The following FEM1C variants were observed in gnomAD, a reference collection of about 807,000 sequenced individuals.
FEM1C encodes protein fem-1 homolog C.
A neutral mutation model predicts 37.6 loss-of-function variants in FEM1C; 15 were observed. The ratio of observed to expected loss-of-function variants is 0.40; its 90% CI spans 0.27 to 0.61. The LOEUF (loss-of-function observed/expected upper bound fraction) is 0.61, where lower values mean the gene tolerates loss of function less well. FEM1C is among the 20% of genes least tolerant of loss of function. The probability of loss-of-function intolerance (pLI) is 0.42; values close to 1 mark genes in which losing one functional copy is unlikely to be tolerated. For synonymous variants in FEM1C, 287 were observed against 272.8 expected (o/e 1.05, Z -0.51); for missense variants, 532 against 749.7 (o/e 0.71, Z 3.39).
intron 2 of FEM1C, 29 bp from the exon 3 acceptor site, chr5:115,525,646 A>G (rs1753875546): frequency 1.9e-5 from 30 of 1,563,638 alleles, no homozygotes; most frequent in Non-Finnish European, 2.5e-5. Context: ...AAAAGAAATA[A>G]CATACATTGA....
chr5:115,524,440 A>AG lies in FEM1C; in HGVS notation c.1721dup (p.Lys575Ter). On this transcript the variant is annotated frameshift_variant, in exon 3 of 3. Transcript: ENST00000274457. LOFTEE classifies it high-confidence loss of function. ...GATTTATAGGCTGGATTAAATTTTTAGCTATTTCCTTCTCATCCAGCAAGT... is the reference window on the plus strand; with the variant it reads ...GATTTATAGGCTGGATTAAATTTTTAGGCTATTTCCTTCTCATCCAGCAAGT... 1.2e-6 allele frequency: 2 copies of AG among 1,613,348 alleles called. No homozygotes were observed. Among genetic ancestry groups the AG allele is most frequent in the Non-Finnish European group, 1.7e-6 (2 of 1,179,644 alleles).
In FEM1C at chr5:115,525,243, C is replaced by A; in HGVS notation, c.919G>T (p.Glu307Ter). 6.2e-7 allele frequency: 1 copy of A among 1,613,596 alleles called. No individual in the cohort carries two copies. Among genetic ancestry groups the A allele is most frequent in the Non-Finnish European group, 8.5e-7 (1 of 1,179,792 alleles). Residue 307 changes from glutamate to a stop codon, truncating the protein, a stop_gained, in exon 3 of 3, where the codon GAG (glutamate) becomes TAG (stop). Coordinates refer to ENST00000274457, the MANE Select transcript of FEM1C (RefSeq NM_020177.3). LOFTEE classifies it high-confidence loss of function. ...GGATCAGCAATAAGACCTTCTAGCT[C>A]TTCTGCACTGTTCACTTCCTTGGCA... ...DYAKEVNSAEELEGLIADPDE... is the reference protein window; with the variant it reads ...DYAKEVNSAE
In FEM1C at chr5:115,525,100, G is replaced by A. The variant is rs1164221902; in HGVS notation, c.1062C>T (p.Phe354=). 1.2e-6 allele frequency: 2 copies of A among 1,613,808 alleles called. No individual in the cohort carries two copies. The highest frequency in any genetic ancestry group is 2.2e-5 in the South Asian group (2 of 91,076). Residue 354 remains phenylalanine (F), a synonymous_variant, in exon 3 of 3, where the codon TTC becomes TTT. Coordinates refer to ENST00000274457, the MANE Select transcript of FEM1C (RefSeq NM_020177.3). Reference sequence around the variant, plus strand: ...ACTTCCATAGGTTGATGCATCGTTTGAAATTTCCAGAGTCTGCATAGACAG... The same window carrying A: ...ACTTCCATAGGTTGATGCATCGTTTAAAATTTCCAGAGTCTGCATAGACAG... The part of the protein sequence containing the change: ...RGAVYADSGN[F]KRCINLWKYA...
chr5:115,528,699 A>G (rs79577311), intron 2 of FEM1C, among the ~76,000 whole-genome samples: 6,110 of 152,212 alleles, frequency 0.04, 343 homozygotes, highest in African/African-American at 0.13. Context: ...TTGGTATCCA[A>G]TCAAAAATAA....
chr5:115,531,597 G>A (rs1312920689), intron 2 of FEM1C, among the ~76,000 whole-genome samples: 1 of 152,034 alleles, frequency 6.6e-6, no homozygotes, highest in Non-Finnish European at 1.5e-5. Context: ...TAGGTTTCTA[G>A]ACTATAAGGT....
At position 115,523,994 on chromosome 5, in the gene FEM1C, C is replaced by T; in HGVS notation, c.*314G>A. The T allele has an allele frequency of 4.0e-6, 1 of 251,662 alleles. No individual in the cohort carries two copies. Among genetic ancestry groups the T allele is most frequent in the Non-Finnish European group, 7.6e-6 (1 of 132,080 alleles). 15.6% of individuals were successfully genotyped at this position (251,662 alleles called of 1,614,324 possible). On this transcript the variant is annotated 3_prime_UTR_variant, in exon 3 of 3. Transcript: ENST00000274457. ...ACAAACCAGTAAAGTATAAAGACACCATGGAGAAATGGTTAACTCTGCCCC... is the reference window on the plus strand; with the variant it reads ...ACAAACCAGTAAAGTATAAAGACACTATGGAGAAATGGTTAACTCTGCCCC...
At chr5:115,542,223 A>G (rs256957) in intron 2 of FEM1C, among the ~76,000 whole-genome samples, 147,356 of 152,274 alleles carry the variant, frequency 0.97, 71,359 homozygotes, top group East Asian at 1. Context: ...ATACACAATC[A>G]AAAACCGGAG....
chr5:115,526,781 T>G (rs1432609422), intron 2 of FEM1C, among the ~76,000 whole-genome samples: 5 of 152,110 alleles, frequency 3.3e-5, no homozygotes, highest in Non-Finnish European at 7.4e-5. Flanking sequence ...AGCTGGGAAC[T>G]TGGCTGGTAA....
rs1425170325 is a variant in FEM1C at position 115,521,290 on chromosome 5, T to C, written c.*3018A>G. ...CTGTAAATTCAGCCTAAGGTTTCTG[T>C]TGGGCAATATGATTTTTAAAGAGCT... On this transcript the variant is annotated 3_prime_UTR_variant, in exon 3 of 3. Coordinates refer to ENST00000274457, the MANE Select transcript of FEM1C (RefSeq NM_020177.3). The C allele has an allele frequency of 6.6e-6, 1 of 151,678 alleles. No individual in the cohort carries two copies. Among genetic ancestry groups the C allele is most frequent in the Non-Finnish European group, 1.5e-5 (1 of 67,688 alleles). 9.4% of individuals were successfully genotyped at this position (151,678 alleles called of 1,614,324 possible).
At chr5:115,538,560 C>T (rs777860355) in intron 2 of FEM1C, among the ~76,000 whole-genome samples, 21 of 151,890 alleles carry the variant, frequency 1.4e-4, no homozygotes, top group Non-Finnish European at 2.8e-4. Flanking sequence ...TAGTAGAATG[C>T]GGTTAGATGT....
At chr5:115,527,630 T>A (rs1753921698) in intron 2 of FEM1C, among the ~76,000 whole-genome samples, 1 of 152,124 alleles carries the variant, frequency 6.6e-6, no homozygotes, top group South Asian at 2.1e-4. Context: ...ATAGGCAATA[T>A]AAGAGAAATC....
rs779710253 is a variant in FEM1C at position 115,524,636 on chromosome 5, T to G, written c.1526A>C (p.Gln509Pro). ...ACATTCTATCAGTATTGCAGTAACT[T>G]GTAGAGATGGAAATTTACAAACAGG... ...RYPVCKFPSL[Q>P]VTAILIECGA... Residue 509 changes from glutamine to proline, a missense_variant, in exon 3 of 3, where the codon CAA becomes CCA. Gln to Pro is a moderately conservative substitution (Grantham distance 76). Transcript: ENST00000274457. 1.9e-6 allele frequency: 3 copies of G among 1,580,684 alleles called. No individual in the cohort carries two copies. The highest frequency in any genetic ancestry group is 1.7e-6 in the Non-Finnish European group (2 of 1,166,398).
chr5:115,532,730 C>T (rs999522167), intron 2 of FEM1C, among the ~76,000 whole-genome samples: 2 of 152,110 alleles, frequency 1.3e-5, no homozygotes, highest in East Asian at 1.9e-4. Context: ...TACACAGATT[C>T]TACATAATCC....
rs1053171075 is a variant in FEM1C, at chr5:115,523,484, T to G, written c.*824A>C. On this transcript the variant is annotated 3_prime_UTR_variant, in exon 3 of 3. Transcript: ENST00000274457. ...GCATGATATATTAAGATGACAGACC[T>G]AAATTTCAACTGGGTTAATGAGTTA... 1.3e-5 allele frequency: 2 copies of G among 152,604 alleles called. No homozygotes were observed. Among genetic ancestry groups the G allele is most frequent in the Non-Finnish European group, 2.9e-5 (2 of 67,952 alleles). The allele number at this position is 152,604 out of a possible 1,614,324, so 9.5% of individuals were successfully genotyped here. A position where few individuals can be genotyped will look rare whatever the true frequency, so the allele number is the denominator to read the frequency against.
rs1195054542 is a variant in FEM1C, at chr5:115,524,414, T to A, written c.1748A>T (p.His583Leu). The change falls in exon 3 of 3, where the codon CAT (histidine) becomes CTT (leucine). Residue 583 changes from histidine to leucine, a missense_variant. This residue lies in a region of FEM1C where 237 missense variants were observed against 260.5 expected (regional missense o/e 0.91). Transcript: ENST00000274457. ...IAKNLIQPIN[H>L]TTLQCLAARV... Reference sequence around the variant, plus strand: ...AGCAGCAAGACACTGCAATGTGGTATGATTTATAGGCTGGATTAAATTTTT... The same window carrying A: ...AGCAGCAAGACACTGCAATGTGGTAAGATTTATAGGCTGGATTAAATTTTT... 6.2e-7 allele frequency: 1 copy of A among 1,613,594 alleles called. No individual in the cohort carries two copies. The highest frequency in any genetic ancestry group is 8.5e-7 in the Non-Finnish European group (1 of 1,179,722).
chr5:115,526,959 A>C (rs112495496), intron 2 of FEM1C, among the ~76,000 whole-genome samples: 4 of 152,248 alleles, frequency 2.6e-5, no homozygotes, highest in African/African-American at 9.6e-5. Flanking sequence ...ACCAGCCCCC[A>C]GTAAAAACCT....
At chr5:115,527,286 TA>T (rs1753915256) in intron 2 of FEM1C, among the ~76,000 whole-genome samples, 1 of 152,100 alleles carries the variant, frequency 6.6e-6, no homozygotes, top group South Asian at 2.1e-4. Context: ...ATACTTCAAA[TA>T]AATCTACTTT....
chr5:115,524,659 A>C lies in FEM1C; in HGVS notation c.1503T>G (p.Pro501=). ...DKNTTCVGRY[P]VCKFPSLQVT... ...CTTGTAGAGATGGAAATTTACAAAC[A>C]GGGTACCGCCCTACACATGTAGTAT... is the stretch of plus-strand genomic sequence containing the variant. Residue 501 remains proline, a synonymous_variant, in exon 3 of 3, where the codon CCT becomes CCG. Transcript: ENST00000274457. 1.9e-6 allele frequency: 3 copies of C among 1,568,122 alleles called. No individual in the cohort carries two copies. Among genetic ancestry groups the C allele is most frequent in the Non-Finnish European group, 2.6e-6 (3 of 1,160,084 alleles).
At chr5:115,534,522 C>T (rs990233986) in intron 2 of FEM1C, among the ~76,000 whole-genome samples, 8 of 151,894 alleles carry the variant, frequency 5.3e-5, no homozygotes, top group Non-Finnish European at 1.2e-4. Flanking sequence ...CATAAAAGAG[C>T]TTCAACATAA....
Sources: allele counts gnomAD v4.1 joint callset (sites outside exome capture counted in the v4.1 genomes callset), GRCh38; gene constraint gnomAD v4.1.1; regional missense constraint gnomAD v4.1.1; transcripts MANE v1.5; gene names NCBI Gene and HGNC (gene_info 2026-07-23, HGNC 2026-07-21).